The following FRMPD3 variants were observed in gnomAD, a reference collection of about 807,000 sequenced individuals.
The protein encoded by FRMPD3 is FERM and PDZ domain-containing protein 3.
FRMPD3 carries 42 observed loss-of-function variants against 97.9 expected under a neutral mutation model. The observed-to-expected ratio is 0.43, with a 90% CI of 0.34 to 0.55. FRMPD3 has a LOEUF of 0.55. Among genes scored for constraint, FRMPD3 ranks in the 20% least tolerant of loss-of-function variants. FRMPD3 has a pLI of 0.03. For synonymous variants in FRMPD3, 577 were observed against 581.1 expected, an observed-to-expected ratio of 0.99 and a Z score of 0.10; for missense variants, 1,303 against 1,457.7, an observed-to-expected ratio of 0.89 and a Z score of 1.73.
At chrX:107,551,069 T>C (rs1330434568) in intron 6 of FRMPD3, among the ~76,000 whole-genome samples, 1 of 112,117 alleles carries the variant, frequency 8.9e-6, no homozygotes, top group Non-Finnish European at 1.9e-5. Flanking sequence ...CCAGGATTCC[T>C]ACTTCCCACT....
chrX:107,533,747 G>A (rs1294937306), intron 4 of FRMPD3, among the ~76,000 whole-genome samples, 197 bp downstream of exon 4: 5 of 111,960 alleles, frequency 4.5e-5, no homozygotes, highest in Non-Finnish European at 7.5e-5. Flanking sequence ...GACTTTGAAG[G>A]GCTGTGCTGT....
chrX:107,554,824 A>G (rs1002116535), intron 8 of FRMPD3: 6 of 232,575 alleles, frequency 2.6e-5, no homozygotes, highest in Non-Finnish European at 2.4e-5. Flanking sequence ...ACGGGTCCCA[A>G]CCCCCAATAC....
chrX:107,602,004 G>A lies in FRMPD3; in HGVS notation c.3965G>A (p.Gly1322Glu), dbSNP rs1389188948. 4 of 1,168,343 alleles carry A rather than the reference G, an allele frequency of 3.4e-6. No homozygotes were observed. Among genetic ancestry groups the A allele is most frequent in the South Asian group, 4.0e-5 (2 of 49,857 alleles). The change falls in exon 15 of 15, where the codon GGG becomes GAG. Residue 1322 changes from glycine (G) to glutamate (E), a missense_variant. Gly to Glu is a moderately conservative substitution (Grantham distance 98). Transcript: ENST00000683843. ...ATQTPVPSLRGRERDRVLPSQ... is the reference protein window; with the variant it reads ...ATQTPVPSLRERERDRVLPSQ... ...CAGACACCAGTGCCCAGCCTCCGGG[G>A]GAGGGAAAGGGACAGAGTCCTCCCT...
At chrX:107,539,427 G>A (rs1921186834) in intron 4 of FRMPD3, among the ~76,000 whole-genome samples, 1 of 112,137 alleles carries the variant, frequency 8.9e-6, no homozygotes, top group Non-Finnish European at 1.9e-5. Context: ...TAGGCACTCA[G>A]TAAATATTTT....
At position 107,475,168 on chromosome X, in the gene FRMPD3, C is replaced by T. The variant is rs185255778; in HGVS notation, c.-8+25163C>T. Among the ~76,000 whole-genome samples the T allele has an allele frequency of 2.8e-3, 316 of 111,177 alleles. 1 individual carries two copies. Among genetic ancestry groups the T allele is most frequent in the African/African-American group, 8.8e-3 (267 of 30,503 alleles). ...ATTACACATCTATGGATAACACATA[C>T]GAATATGTGTGTATGAGAGAGATTA... On this transcript the variant is annotated intron_variant, in intron 1 of 14. Transcript: ENST00000683843.
chrX:107,481,354 C>T (rs1395724401), intron 1 of FRMPD3, among the ~76,000 whole-genome samples: 1 of 111,948 alleles, frequency 8.9e-6, no homozygotes, highest in East Asian at 2.8e-4. Context: ...AGTCCAGCTC[C>T]CCAACCACAT....
At position 107,464,304 on chromosome X, in the gene FRMPD3, C is replaced by T. The variant is rs559730618; in HGVS notation, c.-8+14299C>T. On this transcript the variant is annotated intron_variant, in intron 1 of 14. Transcript: ENST00000683843. ...TTAAAATATCTGAATATAGCTATCA[C>T]GTTCCCTCAAGTCTATCTTTTGACT... 4.5e-5 allele frequency among the ~76,000 whole-genome samples: 5 copies of T among 111,243 alleles called. No homozygotes were observed. The South Asian group carries it at 1.1e-3, about 26-fold the overall frequency.
At chrX:107,486,325 C>T (rs1365385435) in intron 1 of FRMPD3, among the ~76,000 whole-genome samples, 1 of 112,657 alleles carries the variant, frequency 8.9e-6, no homozygotes, top group Non-Finnish European at 1.9e-5. Flanking sequence ...AGGATCTCCA[C>T]AGGTCCCTTC....
At chrX:107,589,774 A>G (rs770207493) in intron 13 of FRMPD3, among the ~76,000 whole-genome samples, 2 of 112,933 alleles carry the variant, frequency 1.8e-5, no homozygotes, top group South Asian at 3.6e-4. Context: ...AAGTGTATTT[A>G]TAACTATTTG....
intron 12 of FRMPD3, among the ~76,000 whole-genome samples, chrX:107,573,183 G>C: frequency 8.9e-6 from 1 of 111,860 alleles, no homozygotes; most frequent in Non-Finnish European, 1.9e-5. Context: ...CAGTATCTCA[G>C]CACACAGGCC....
intron 13 of FRMPD3, among the ~76,000 whole-genome samples, chrX:107,581,048 A>G (rs1923358603): frequency 9.0e-6 from 1 of 111,586 alleles, no homozygotes; most frequent in Non-Finnish European, 1.9e-5. Context: ...ATTTGACAGG[A>G]TTGTGTGAGA....
At chrX:107,470,718 C>T (rs1921035086) in intron 1 of FRMPD3, among the ~76,000 whole-genome samples, 1 of 112,224 alleles carries the variant, frequency 8.9e-6, no homozygotes, top group African/African-American at 3.2e-5. Flanking sequence ...TACAGGCTGG[C>T]TATCACAGAT....
At chrX:107,579,405 C>T (rs1039860902) in intron 13 of FRMPD3, among the ~76,000 whole-genome samples, 1 of 112,175 alleles carries the variant, frequency 8.9e-6, no homozygotes, top group African/African-American at 3.2e-5. Context: ...GTAGCTTCAC[C>T]AAAGGTACTA....
chrX:107,504,442 A>G (rs1921982844), intron 1 of FRMPD3, among the ~76,000 whole-genome samples: 1 of 112,501 alleles, frequency 8.9e-6, no homozygotes, highest in Non-Finnish European at 1.9e-5. Context: ...ATTTGTCTGG[A>G]AACTGGTTTT....
intron 6 of FRMPD3, among the ~76,000 whole-genome samples, chrX:107,551,574 G>A (rs972343585): frequency 8.9e-6 from 1 of 112,066 alleles, no homozygotes; most frequent in Non-Finnish European, 1.9e-5. Context: ...CAAGACAGCA[G>A]TGTTCCCCTC....
At chrX:107,545,930 C>A in intron 5 of FRMPD3, 89 bp downstream of exon 5, 2 of 716,294 alleles carry the variant, frequency 2.8e-6, no homozygotes, top group Non-Finnish European at 2.1e-6. Context: ...TTATAGTGGA[C>A]AGCTTTCCGA....
At chrX:107,564,111 C>A (rs1922498745) in intron 11 of FRMPD3, among the ~76,000 whole-genome samples, 1 of 111,828 alleles carries the variant, frequency 8.9e-6, no homozygotes, top group African/African-American at 3.3e-5. Flanking sequence ...CCAGACGACC[C>A]AAGCTTGATT....
rs777000202 is a variant in FRMPD3, at chrX:107,533,498, T to C, written c.252-7T>C. On this transcript the variant is annotated splice_region_variant and splice_polypyrimidine_tract_variant and intron_variant, in intron 3 of 14. Transcript: ENST00000683843. ...CACTACTCTCCTATTCCCTCTTTTC[T>C]CTGTAGGAGCGCTAAGGAATTCATC... 3.3e-6 allele frequency: 4 copies of C among 1,205,961 alleles called. No homozygotes were observed. The highest frequency in any genetic ancestry group is 4.5e-6 in the Non-Finnish European group (4 of 891,540).
intron 4 of FRMPD3, among the ~76,000 whole-genome samples, chrX:107,542,772 G>A (rs1270802840): frequency 8.9e-6 from 1 of 111,978 alleles, no homozygotes; most frequent in Non-Finnish European, 1.9e-5. Flanking sequence ...ATAGCTTAAC[G>A]TATTCCCAGC....
Sources: gnomAD v4.1 joint callset for allele counts (sites outside exome capture counted in the v4.1 genomes callset) on GRCh38, gnomAD v4.1.1 for gene constraint, MANE v1.5 for transcripts, NCBI Gene and HGNC (gene_info 2026-07-23, HGNC 2026-07-21) for gene names.